PCDH15: variants seen among roughly 807,000 people sequenced by gnomAD.
PCDH15 encodes protocadherin-15.
In PCDH15, 129 loss-of-function variants were observed where a neutral mutation model predicts 178.5. The ratio of observed to expected loss-of-function variants is 0.72; its 90% confidence interval spans 0.63 to 0.84. The LOEUF (loss-of-function observed/expected upper bound fraction) is 0.84. PCDH15 is among the 40% of genes least tolerant of loss of function. The pLI, the probability that PCDH15 is intolerant of heterozygous loss-of-function variation, is 0.00. For synonymous variants in PCDH15, 800 were observed against 732.0 expected, an observed-to-expected ratio of 1.09 and a Z score of -1.50; for missense variants, 2,230 against 2,099.9, an observed-to-expected ratio of 1.06 and a Z score of -1.21.
chr10:54,861,733 A>G (rs1953846914), intron 3 of PCDH15, among the ~76,000 whole-genome samples: 1 of 152,212 alleles, frequency 6.6e-6, no homozygotes, highest in South Asian at 2.1e-4. Flanking sequence ...AAGACATCCA[A>G]ATTTGAAAAG....
chr10:54,749,788 GTGCT>G (rs960911838), intron 1 of PCDH15, among the ~76,000 whole-genome samples: 1 of 151,986 alleles, frequency 6.6e-6, no homozygotes, highest in Non-Finnish European at 1.5e-5. Flanking sequence ...AAAACCCTAC[GTGCT>G]TGCTTGCTTG....
At chr10:54,204,412 G>C (rs1229212191) in intron 10 of PCDH15, among the ~76,000 whole-genome samples, 2 of 152,054 alleles carry the variant, frequency 1.3e-5, no homozygotes, top group Non-Finnish European at 2.9e-5. Context: ...GAAGTTTGTG[G>C]TTGTGTCAGG....
intron 1 of PCDH15, among the ~76,000 whole-genome samples, chr10:54,744,462 GA>G (rs988795458): frequency 1.3e-5 from 2 of 151,692 alleles, no homozygotes; most frequent in Non-Finnish European, 2.9e-5. Context: ...AACTTTAGAG[GA>G]AAAAAAGAAA....
chr10:54,424,974 G>T (rs939711546), intron 3 of PCDH15, among the ~76,000 whole-genome samples: 11 of 148,716 alleles, frequency 7.4e-5, no homozygotes, highest in African/African-American at 1.7e-4. Context: ...AAACCGGCAC[G>T]TTGTGCACAT....
intron 2 of PCDH15, among the ~76,000 whole-genome samples, chr10:55,611,150 A>G (rs1381823467): frequency 6.6e-6 from 1 of 152,114 alleles, no homozygotes; most frequent in East Asian, 1.9e-4. Context: ...AAAAATGCAC[A>G]TACAACAAAT....
chr10:55,548,455 A>G (rs1396711767), intron 2 of PCDH15, among the ~76,000 whole-genome samples: 1 of 152,096 alleles, frequency 6.6e-6, no homozygotes, highest in African/African-American at 2.4e-5. Context: ...GAAAGGATAA[A>G]CTTAAGTATG....
chr10:54,231,369 G>A (rs2054048941), intron 9 of PCDH15, among the ~76,000 whole-genome samples: 1 of 152,220 alleles, frequency 6.6e-6, no homozygotes, highest in African/African-American at 2.4e-5. Flanking sequence ...GTTGAGGCTT[G>A]GAAGCCTCCA....
intron 2 of PCDH15, among the ~76,000 whole-genome samples, chr10:55,336,882 C>T (rs1000081020): frequency 6.6e-6 from 1 of 152,076 alleles, no homozygotes; most frequent in East Asian, 1.9e-4. Flanking sequence ...TTTTGTTATA[C>T]GGGAGTCTCA....
At chr10:53,833,327 TTAGA>T (rs1364020268) in intron 29 of PCDH15, among the ~76,000 whole-genome samples, 2 of 152,108 alleles carry the variant, frequency 1.3e-5, no homozygotes, top group African/African-American at 4.8e-5. Context: ...GCCCTATTAC[TTAGA>T]TACTTATTTT....
At chr10:53,906,851 G>A (rs1180953769) in intron 25 of PCDH15, 6 of 148,752 alleles carry the variant, frequency 4.0e-5, no homozygotes, top group Non-Finnish European at 3.0e-5. Flanking sequence ...CTAGGCTTAA[G>A]AATCATACCC....
At chr10:55,295,918 C>T (rs867822649) in intron 1 of PCDH15, among the ~76,000 whole-genome samples, 2 of 152,042 alleles carry the variant, frequency 1.3e-5, no homozygotes, top group Middle Eastern at 6.8e-3. Context: ...AAAACATTTC[C>T]CCACACTTCA....
chr10:55,377,576 T>C (rs1324151951), intron 2 of PCDH15, among the ~76,000 whole-genome samples: 1 of 152,100 alleles, frequency 6.6e-6, no homozygotes, highest in Admixed American at 6.6e-5. Context: ...TTTCAAGTTC[T>C]CATAAAAATA....
chr10:53,959,860 A>T lies in PCDH15; in HGVS notation c.3010-16T>A, dbSNP rs749543947. On this transcript the variant is annotated splice_polypyrimidine_tract_variant and intron_variant, in intron 22 of 37. Coordinates refer to ENST00000644397, the MANE Select transcript of PCDH15 (RefSeq NM_001384140.1). ...CCACCACCAACTTAAAAAGCAATAAAAATTCATGTTAAAGATTATAAGTAA... is the reference window on the plus strand; with the variant it reads ...CCACCACCAACTTAAAAAGCAATAATAATTCATGTTAAAGATTATAAGTAA... The T allele has an allele frequency of 1.9e-6, 3 of 1,589,316 alleles. No individual in the cohort carries two copies. The highest frequency in any genetic ancestry group is 2.6e-6 in the Non-Finnish European group (3 of 1,157,504).
chr10:53,995,074 T>C (rs2091761556), intron 21 of PCDH15: 1 of 152,634 alleles, frequency 6.6e-6, no homozygotes, highest in South Asian at 2.1e-4. Flanking sequence ...TTTATATGTA[T>C]ACTATTAATT....
intron 25 of PCDH15, among the ~76,000 whole-genome samples, chr10:53,933,521 G>A (rs781342520): frequency 4.6e-4 from 70 of 152,026 alleles, no homozygotes; most frequent in Non-Finnish European, 4.6e-4. Context: ...TTTTATGGCT[G>A]TATAGTATTC....
chr10:54,796,310 C>CTATG (rs1564483619), intron 1 of PCDH15, among the ~76,000 whole-genome samples: 1 of 150,114 alleles, frequency 6.7e-6, no homozygotes, highest in Non-Finnish European at 1.5e-5. Context: ...ATCTATCTAT[C>CTATG]TATCTATCTA....
intron 8 of PCDH15, among the ~76,000 whole-genome samples, chr10:54,295,969 C>T (rs913068296): frequency 1.3e-5 from 2 of 150,648 alleles, no homozygotes; most frequent in South Asian, 2.1e-4. Context: ...ATGGTGAAAC[C>T]CCGTCTCTAC....
intron 3 of PCDH15, among the ~76,000 whole-genome samples, chr10:54,406,649 T>C (rs1218126545): frequency 6.6e-6 from 1 of 152,084 alleles, no homozygotes. Context: ...TTCACAGGAA[T>C]TTGATGGATC....
chr10:55,116,048 A>G (rs1000971935), intron 2 of PCDH15, among the ~76,000 whole-genome samples: 10 of 152,140 alleles, frequency 6.6e-5, no homozygotes, highest in African/African-American at 2.2e-4. Context: ...TACCCTATTT[A>G]AATAAATTTG....
Sources: allele counts gnomAD v4.1 joint callset (sites outside exome capture counted in the v4.1 genomes callset), GRCh38; gene constraint gnomAD v4.1.1; transcripts MANE v1.5; gene names NCBI Gene and HGNC (gene_info 2026-07-23, HGNC 2026-07-21).